DCDC1: variants seen among roughly 807,000 people sequenced by gnomAD.
The protein encoded by DCDC1 is doublecortin domain-containing protein 1.
DCDC1 carries 200 observed loss-of-function variants against 178.3 expected under a neutral mutation model. That is an observed-to-expected ratio of 1.12 (90% CI 1.00 to 1.26). The LOEUF (loss-of-function observed/expected upper bound fraction) is 1.26, where lower values mean the gene tolerates loss of function less well. Among genes scored for constraint, DCDC1 ranks in the 50% most tolerant of loss-of-function variants. The pLI, the probability that DCDC1 is intolerant of heterozygous loss-of-function variation, is 0.00. For missense variants in DCDC1, 1,983 were observed against 1,749.2 expected (o/e 1.13, Z -2.38); for synonymous variants, 690 against 604.8 (o/e 1.14, Z -2.07).
chr11:31,135,001 T>TA (rs1962946902), intron 10 of DCDC1, among the ~76,000 whole-genome samples: 1 of 152,008 alleles, frequency 6.6e-6, no homozygotes, highest in Non-Finnish European at 1.5e-5. Flanking sequence ...ATCTCTAAAA[T>TA]AAAAAAATTT....
Position 30,945,153 on chromosome 11 carries a change from G to C in DCDC1, c.2715+7292C>G, listed in dbSNP as rs1436666829. Among the ~76,000 whole-genome samples, 4 of 151,210 alleles carry C rather than the reference G, an allele frequency of 2.6e-5. No homozygotes were observed. In the South Asian group the frequency reaches 8.4e-4, roughly 32 times the overall value. On this transcript the variant is annotated intron_variant, in intron 21 of 38. Transcript: ENST00000684477. ...CCGGCAAATTTTTGTATTTTTAGTA[G>C]AGACGGGGTTTCACTATGTTGGTCA... is the stretch of plus-strand genomic sequence containing the variant.
chr11:31,353,972 A>G (rs1378257550), intron 1 of DCDC1, among the ~76,000 whole-genome samples: 1 of 152,132 alleles, frequency 6.6e-6, no homozygotes, highest in African/African-American at 2.4e-5. Flanking sequence ...TCAAACTTTA[A>G]GAAGTCCAAA....
intron 20 of DCDC1, among the ~76,000 whole-genome samples, chr11:31,058,778 T>C (rs1955744939): frequency 6.6e-6 from 1 of 152,146 alleles, no homozygotes; most frequent in Admixed American, 6.6e-5. Flanking sequence ...TTGAAAGAGA[T>C]AGACAAGGTA....
At chr11:31,342,475 C>G (rs1234986460) in intron 1 of DCDC1, among the ~76,000 whole-genome samples, 3 of 152,130 alleles carry the variant, frequency 2.0e-5, no homozygotes, top group Non-Finnish European at 4.4e-5. Context: ...GGTAAACATT[C>G]AATAAATGTC....
chr11:30,895,038 A>G (rs554880359), intron 34 of DCDC1, among the ~76,000 whole-genome samples: 10 of 152,318 alleles, frequency 6.6e-5, no homozygotes, highest in African/African-American at 1.9e-4. Flanking sequence ...ACCACTTAAA[A>G]TAGTTATAAA....
chr11:31,305,743 T>A lies in DCDC1; in HGVS notation c.626A>T (p.Asn209Ile). Reference protein sequence around the residue: ...LEECTEKLNLNMAARRVFLAD... With the variant: ...LEECTEKLNLIMAARRVFLAD... ...CAAGAACACTCGTCTTGCGGCCATG[T>A]TCAGATTCAGCTTTTCTGTGCACTC... Residue 209 changes from asparagine to isoleucine, a missense_variant, in exon 6 of 39, where the codon AAC (asparagine) becomes ATC (isoleucine). By Grantham distance (149) the Asn-to-Ile change is moderately radical. Transcript: ENST00000684477. 8 of 1,613,750 alleles carry A rather than the reference T, an allele frequency of 5.0e-6. No individual in the cohort carries two copies. The highest frequency in any genetic ancestry group is 6.8e-6 in the Non-Finnish European group (8 of 1,179,830).
chr11:31,054,196 C>A, intron 20 of DCDC1, among the ~76,000 whole-genome samples: 1 of 135,094 alleles, frequency 7.4e-6, no homozygotes, highest in African/African-American at 2.7e-5. Context: ...AGCAGAGAAT[C>A]AAATCAAGAA....
chr11:30,898,338 A>G (rs1317568377), intron 34 of DCDC1, among the ~76,000 whole-genome samples: 1 of 152,182 alleles, frequency 6.6e-6, no homozygotes, highest in Non-Finnish European at 1.5e-5. Flanking sequence ...ACCAGTTAGG[A>G]AACTGTTCCA....
chr11:31,230,963 TG>T (rs1400477961), intron 9 of DCDC1, among the ~76,000 whole-genome samples: 2 of 152,010 alleles, frequency 1.3e-5, no homozygotes, highest in Non-Finnish European at 1.5e-5. Flanking sequence ...GAAATTTTTT[TG>T]TTTTTGTTTT....
intron 22 of DCDC1, 124 bp from the exon 23 acceptor site, chr11:30,925,532 T>C: frequency 1.2e-6 from 1 of 810,262 alleles, no homozygotes; most frequent in Non-Finnish European, 2.0e-6. Context: ...CTGTTAGTCA[T>C]GAGCTGGACT....
intron 9 of DCDC1, among the ~76,000 whole-genome samples, chr11:31,167,190 A>T (rs1220602150): frequency 6.6e-6 from 1 of 152,194 alleles, no homozygotes; most frequent in Non-Finnish European, 1.5e-5. Flanking sequence ...TGCTAATCTA[A>T]GAAAAATTGT....
chr11:30,931,997 G>A lies in DCDC1; in HGVS notation c.2716-45C>T, dbSNP rs752402686. 2.0e-6 allele frequency: 3 copies of A among 1,528,808 alleles called. No homozygotes were observed. The Admixed American group carries it at 6.4e-5, about 32-fold the overall frequency. 94.7% of individuals were successfully genotyped at this position (1,528,808 alleles called of 1,614,324 possible). On this transcript the variant is annotated intron_variant, in intron 21 of 38. Transcript: ENST00000684477. ...AAACATAATAATAAATACAGAAGAA[G>A]GGTCATGTCTAGATTTTTAAAAATA...
chr11:31,279,513 C>G (rs1406633795), intron 7 of DCDC1, among the ~76,000 whole-genome samples: 3 of 152,172 alleles, frequency 2.0e-5, no homozygotes, highest in Non-Finnish European at 4.4e-5. Context: ...CAATGATAGA[C>G]TGGATAGAGA....
intron 35 of DCDC1, among the ~76,000 whole-genome samples, chr11:30,893,619 T>C (rs191412423): frequency 6.6e-6 from 1 of 152,314 alleles, no homozygotes; most frequent in Non-Finnish European, 1.5e-5. Context: ...TCTAGTAACC[T>C]TGACTTGGGC....
At chr11:31,194,034 A>G (rs1265104877) in intron 9 of DCDC1, among the ~76,000 whole-genome samples, 3 of 152,112 alleles carry the variant, frequency 2.0e-5, no homozygotes, top group East Asian at 1.9e-4. Context: ...TACAAGGTCC[A>G]TCCTTCGCAA....
intron 36 of DCDC1, among the ~76,000 whole-genome samples, chr11:30,890,239 C>A (rs190786046): frequency 1.3e-5 from 2 of 152,334 alleles, no homozygotes; most frequent in African/African-American, 4.8e-5. Context: ...AAAACTAATA[C>A]ATATGTATAT....
At chr11:31,067,469 G>T (rs1956310840) in intron 18 of DCDC1, among the ~76,000 whole-genome samples, 1 of 152,156 alleles carries the variant, frequency 6.6e-6, no homozygotes, top group South Asian at 2.1e-4. Context: ...ATGTGAAGGG[G>T]AAACAGCTTG....
chr11:31,103,981 A>G (rs1209764531), intron 13 of DCDC1, among the ~76,000 whole-genome samples: 1 of 152,310 alleles, frequency 6.6e-6, no homozygotes, highest in African/African-American at 2.4e-5. Context: ...ATGCCAAAAT[A>G]GTTTCAACAT....
chr11:31,136,680 G>A (rs1354243397), intron 10 of DCDC1, among the ~76,000 whole-genome samples: 2 of 152,116 alleles, frequency 1.3e-5, no homozygotes, highest in African/African-American at 2.4e-5. Context: ...TTTACTGACA[G>A]TGGTACATAG....
Sources: allele counts gnomAD v4.1 joint callset (sites outside exome capture counted in the v4.1 genomes callset), GRCh38; gene constraint gnomAD v4.1.1; transcripts MANE v1.5; gene names NCBI Gene and HGNC (gene_info 2026-07-23, HGNC 2026-07-21).